The following DENND1B variants were observed in gnomAD, a reference collection of about 807,000 sequenced individuals.
The protein encoded by DENND1B is DENN domain-containing protein 1B.
Under a neutral mutation model 90.1 loss-of-function variants are expected in DENND1B, and 59 were observed. The observed-to-expected ratio is 0.65, with a 90% CI of 0.53 to 0.81. The LOEUF (loss-of-function observed/expected upper bound fraction) is 0.81, where lower values mean the gene tolerates loss of function less well. Ranked by LOEUF, DENND1B falls within the 40% of genes least tolerant of loss-of-function variation. The pLI is 0.00. For synonymous variants in DENND1B, 337 were observed against 324.6 expected (o/e 1.04, Z -0.41); for missense variants, 862 against 912.6 (o/e 0.94, Z 0.71).
At chr1:197,610,565 G>T (rs1677093514) in intron 12 of DENND1B, among the ~76,000 whole-genome samples, 1 of 150,374 alleles carries the variant, frequency 6.7e-6, no homozygotes, top group Admixed American at 6.7e-5. Context: ...TCATTAAGAA[G>T]CGACAAGTAC....
At chr1:197,675,102 C>T (rs938455519) in intron 3 of DENND1B, among the ~76,000 whole-genome samples, 1 of 151,928 alleles carries the variant, frequency 6.6e-6, no homozygotes, top group African/African-American at 2.4e-5. Flanking sequence ...CAAAGTCAGG[C>T]AATTTTACAA....
chr1:197,719,515 T>A lies in DENND1B; in HGVS notation c.83-4441A>T, dbSNP rs200039051. ...TTTTGTGAAAAAAAACTGCTAATAT[T>A]TTTCTATGTAGTAGGTAGTTCTCTA... On this transcript the variant is annotated intron_variant, in intron 2 of 22. Transcript: ENST00000620048. 4.6e-5 allele frequency among the ~76,000 whole-genome samples: 7 copies of A among 152,328 alleles called. No individual in the cohort carries two copies. The East Asian group carries it at 1.3e-3, about 29-fold the overall frequency.
intron 21 of DENND1B, 47 bp downstream of exon 21, chr1:197,512,824 G>A: frequency 1.9e-6 from 3 of 1,557,906 alleles, no homozygotes; most frequent in Non-Finnish European, 2.6e-6. Context: ...AAAAACTTCT[G>A]CTGTTAAGCC....
chr1:197,753,141 T>C (rs751850383), intron 2 of DENND1B, among the ~76,000 whole-genome samples: 279 of 150,880 alleles, frequency 1.8e-3, no homozygotes, highest in Non-Finnish European at 3.0e-3. Context: ...AAATGTTAAA[T>C]TGGAAAAATA....
chr1:197,606,940 T>C (rs1008258528), intron 13 of DENND1B, 133 bp downstream of exon 13: 42 of 646,660 alleles, frequency 6.5e-5, no homozygotes, highest in South Asian at 1.3e-4. Context: ...AGAATCAACA[T>C]TGATTTCTCT....
Position 197,775,171 on chromosome 1 carries a change from T to G in DENND1B, c.-16A>C. On this transcript the variant is annotated 5_prime_UTR_variant, in exon 1 of 23. Transcript: ENST00000620048. ...TGCAGTCCATGGTTACATGTCGGTG[T>G]GGGGCTGTCCGTCCGGCCCCCGCGC... 1 of 1,287,074 alleles carries G rather than the reference T, an allele frequency of 7.8e-7. No individual in the cohort carries two copies. The highest frequency in any genetic ancestry group is 9.9e-7 in the Non-Finnish European group (1 of 1,010,680). 79.7% of individuals were successfully genotyped at this position (1,287,074 alleles called of 1,614,324 possible).
At chr1:197,735,791 T>C (rs1412165729) in intron 2 of DENND1B, 2 of 1,611,376 alleles carry the variant, frequency 1.2e-6, no homozygotes, top group Admixed American at 1.7e-5. Context: ...TAAGCTGGAC[T>C]GTCCTCTACA....
At chr1:197,704,678 G>A (rs557296992) in intron 3 of DENND1B, among the ~76,000 whole-genome samples, 4 of 152,128 alleles carry the variant, frequency 2.6e-5, no homozygotes, top group East Asian at 1.9e-4. Flanking sequence ...CAGTGCCTAC[G>A]GGTACTAACA....
intron 9 of DENND1B, among the ~76,000 whole-genome samples, chr1:197,644,426 A>G (rs1425263487): frequency 6.6e-6 from 1 of 152,224 alleles, no homozygotes; most frequent in Non-Finnish European, 1.5e-5. Context: ...AAATCAAGTT[A>G]TTAGTTGTTT....
intron 2 of DENND1B, among the ~76,000 whole-genome samples, chr1:197,759,655 A>G (rs1338716521): frequency 7.0e-6 from 1 of 142,412 alleles, no homozygotes; most frequent in Non-Finnish European, 1.5e-5. Flanking sequence ...AGGCAGGAGA[A>G]TGGCGTGAAC....
rs181651927 is a variant in DENND1B, at chr1:197,508,136, T to C, written c.*2324A>G. ...AAAGCAAATGGACTAAAAACCAAAT[T>C]TGACCCATGCTACACTCACAGTTGT... On this transcript the variant is annotated 3_prime_UTR_variant, in exon 23 of 23. Transcript: ENST00000620048. The C allele has an allele frequency of 2.0e-5, 3 of 151,554 alleles. No homozygotes were observed. The highest frequency in any genetic ancestry group is 4.4e-5 in the Non-Finnish European group (3 of 67,720). The allele number at this position is 151,554 out of a possible 1,614,324, so 9.4% of individuals were successfully genotyped here. A position where few individuals can be genotyped will look rare whatever the true frequency, so the allele number is the denominator to read the frequency against.
At chr1:197,736,062 T>G in intron 2 of DENND1B, 3 of 849,776 alleles carry the variant, frequency 3.5e-6, no homozygotes, top group Non-Finnish European at 2.0e-6. Flanking sequence ...AGTAAATGAT[T>G]GTGAAGCCCG....
Position 197,715,069 on chromosome 1 carries a change from C to G in DENND1B, c.88G>C (p.Val30Leu). 1 of 1,611,056 alleles carries G rather than the reference C, an allele frequency of 6.2e-7. No homozygotes were observed. Among genetic ancestry groups the G allele is most frequent in the Non-Finnish European group, 8.5e-7 (1 of 1,178,192 alleles). ...TCCTCTGGGAATTTCCACAATACCA[C>G]AGGATCTGTAAATAATTGACATGTA... ...KCHASENEDP[V>L]VLWKFPEDFG... The change falls in exon 3 of 23, where the codon GTG (valine) becomes CTG (leucine). Residue 30 changes from valine (V) to leucine (L), a missense_variant. Transcript: ENST00000620048.
At chr1:197,521,157 T>C (rs1450777399) in intron 20 of DENND1B, among the ~76,000 whole-genome samples, 1 of 151,986 alleles carries the variant, frequency 6.6e-6, no homozygotes, top group Non-Finnish European at 1.5e-5. Flanking sequence ...CACAAAATCA[T>C]AGAACTTAAT....
chr1:197,618,175 G>T (rs939259274), intron 10 of DENND1B, among the ~76,000 whole-genome samples: 2 of 151,220 alleles, frequency 1.3e-5, no homozygotes, highest in Admixed American at 6.6e-5. Flanking sequence ...GCTCCTGAGG[G>T]ATATCATTAG....
chr1:197,778,155 T>C (rs1044813305), upstream of DENND1B, among the ~76,000 whole-genome samples: 1 of 152,232 alleles, frequency 6.6e-6, no homozygotes, highest in Non-Finnish European at 1.5e-5. Context: ...ATTATGTTGT[T>C]ACTTTCTTTA....
At chr1:197,624,168 CTTA>C (rs1308084811) in intron 10 of DENND1B, among the ~76,000 whole-genome samples, 4 of 151,590 alleles carry the variant, frequency 2.6e-5, no homozygotes, top group Admixed American at 2.6e-4. Flanking sequence ...GAGTTCAAAA[CTTA>C]TTATAAAGCT....
At chr1:197,751,598 C>G (rs1653514766) in intron 2 of DENND1B, among the ~76,000 whole-genome samples, 1 of 152,148 alleles carries the variant, frequency 6.6e-6, no homozygotes, top group Non-Finnish European at 1.5e-5. Flanking sequence ...AAGCCCAGCA[C>G]TTTGGGAGGC....
intron 14 of DENND1B, among the ~76,000 whole-genome samples, chr1:197,585,308 T>C (rs1674604108): frequency 6.6e-6 from 1 of 152,302 alleles, no homozygotes; most frequent in South Asian, 2.1e-4. Context: ...AAAATAAATA[T>C]AAGTAATTGC....
Sources: gnomAD v4.1 joint callset for allele counts (sites outside exome capture counted in the v4.1 genomes callset) on GRCh38, gnomAD v4.1.1 for gene constraint, MANE v1.5 for transcripts, NCBI Gene and HGNC (gene_info 2026-07-23, HGNC 2026-07-21) for gene names.